DHRSX: variants seen among roughly 807,000 people sequenced by gnomAD.
DHRSX encodes the protein polyprenol dehydrogenase.
A neutral mutation model predicts 34.0 loss-of-function variants in DHRSX; 31 were observed. The observed-to-expected ratio is 0.91, with a 90% CI of 0.69 to 1.23. DHRSX has a LOEUF of 1.23. Ranked by LOEUF, DHRSX falls within the 50% of genes most tolerant of loss-of-function variation. The pLI is 0.00. For synonymous variants in DHRSX, 201 were observed against 183.8 expected, an observed-to-expected ratio of 1.09 and a Z score of -0.76; for missense variants, 414 against 428.1, an observed-to-expected ratio of 0.97 and a Z score of 0.29.
At position 2,372,639 on chromosome X, in the gene DHRSX, C is replaced by G. The variant is rs2043087378; in HGVS notation, c.286+36106G>C. The stretch of plus-strand genomic sequence containing the variant: ...TTTTTTTTTTTTGAGACGGAGTTTT[C>G]CTCTTGTTGCCCAGGCTGGAGTGCA... On this transcript the variant is annotated intron_variant, in intron 3 of 6. Coordinates refer to ENST00000334651, the MANE Select transcript of DHRSX (RefSeq NM_145177.3). Among the ~76,000 whole-genome samples, 3 of 147,870 alleles carry G rather than the reference C, an allele frequency of 2.0e-5. No homozygotes were observed. In the South Asian group the frequency reaches 6.5e-4, roughly 32 times the overall value.
intron 3 of DHRSX, among the ~76,000 whole-genome samples, chrX:2,307,409 A>G (rs1187484998): frequency 6.6e-6 from 1 of 152,064 alleles, no homozygotes; most frequent in African/African-American, 2.4e-5. Context: ...GAACCGCAGC[A>G]CTACACAATG....
chrX:2,282,819 A>G (rs866629897), intron 4 of DHRSX, among the ~76,000 whole-genome samples: 7 of 101,568 alleles, frequency 6.9e-5, no homozygotes, highest in East Asian at 3.2e-4. Context: ...AGAAAGAGAG[A>G]GAGGGAGAGA....
chrX:2,421,239 G>A (rs2043775743), intron 2 of DHRSX, among the ~76,000 whole-genome samples: 1 of 152,076 alleles, frequency 6.6e-6, no homozygotes, highest in Non-Finnish European at 1.5e-5. Context: ...AATTATCCAA[G>A]CCTGGTGGTG....
At chrX:2,451,100 T>C (rs1301869447) in intron 1 of DHRSX, among the ~76,000 whole-genome samples, 2 of 151,878 alleles carry the variant, frequency 1.3e-5, no homozygotes, top group African/African-American at 2.4e-5. Flanking sequence ...CAACTGAAGG[T>C]ATTTTATTTT....
intron 3 of DHRSX, among the ~76,000 whole-genome samples, chrX:2,356,707 G>A (rs1187223362): frequency 2.6e-5 from 4 of 152,160 alleles, no homozygotes; most frequent in African/African-American, 9.7e-5. Context: ...TCCTCCATGT[G>A]AAGATGATGA....
At chrX:2,402,579 G>A (rs1314724309) in intron 3 of DHRSX, among the ~76,000 whole-genome samples, 3 of 152,330 alleles carry the variant, frequency 2.0e-5, no homozygotes, top group East Asian at 3.9e-4. Flanking sequence ...GGCCACAGCC[G>A]AAATGTCCCC....
intron 3 of DHRSX, among the ~76,000 whole-genome samples, chrX:2,318,441 C>A (rs2042266873): frequency 6.6e-6 from 1 of 152,076 alleles, no homozygotes; most frequent in African/African-American, 2.4e-5. Flanking sequence ...GTCCTAAGGA[C>A]CTTGTTGATA....
At chrX:2,469,987 T>C (rs1190131126) in intron 1 of DHRSX, among the ~76,000 whole-genome samples, 1 of 151,942 alleles carries the variant, frequency 6.6e-6, no homozygotes, top group African/African-American at 2.4e-5. Flanking sequence ...TTCCAAGATA[T>C]ACAATCAACC....
At chrX:2,314,431 A>C in intron 3 of DHRSX, among the ~76,000 whole-genome samples, 1 of 93,696 alleles carries the variant, frequency 1.1e-5, no homozygotes, top group South Asian at 3.7e-4. Flanking sequence ...GGAAGGGGAG[A>C]AGGGAGGAAG....
In DHRSX at chrX:2,408,728, G is replaced by A. The variant is rs750616391; in HGVS notation, c.286+17C>T. On this transcript the variant is annotated intron_variant, in intron 3 of 6. Transcript: ENST00000334651. ...AAAAAAAAAACAAAAAAAAGCCATT[G>A]GAGTATCTCTCGGTACCTTTGTCGT... The A allele has an allele frequency of 1.3e-6, 2 of 1,593,662 alleles. No individual in the cohort carries two copies. The highest frequency in any genetic ancestry group is 1.2e-5 in the South Asian group (1 of 86,448).
At chrX:2,353,498 A>G (rs1401317272) in intron 3 of DHRSX, among the ~76,000 whole-genome samples, 2 of 152,166 alleles carry the variant, frequency 1.3e-5, no homozygotes, top group African/African-American at 4.8e-5. Flanking sequence ...AAGGGTCACT[A>G]AGAAGTCATT....
At chrX:2,293,789 G>C (rs1380708206) in intron 3 of DHRSX, among the ~76,000 whole-genome samples, 1 of 152,092 alleles carries the variant, frequency 6.6e-6, no homozygotes, top group African/African-American at 2.4e-5. Flanking sequence ...AGGCCACATA[G>C]CTTTCAGAGG....
chrX:2,234,010 G>A (rs1310562856), intron 6 of DHRSX, among the ~76,000 whole-genome samples: 4 of 152,198 alleles, frequency 2.6e-5, no homozygotes, highest in Non-Finnish European at 4.4e-5. Context: ...GGGAAGGAGA[G>A]GAGAAGGGAG....
At chrX:2,320,002 G>A (rs988313449) in intron 3 of DHRSX, among the ~76,000 whole-genome samples, 10 of 151,812 alleles carry the variant, frequency 6.6e-5, no homozygotes, top group African/African-American at 2.4e-4. Context: ...CTAATTTTTT[G>A]TATTTTTAGT....
At chrX:2,286,878 A>G (rs1217026665) in intron 4 of DHRSX, among the ~76,000 whole-genome samples, 1 of 152,220 alleles carries the variant, frequency 6.6e-6, no homozygotes, top group Non-Finnish European at 1.5e-5. Flanking sequence ...ATTTCAAGCC[A>G]TCATCTTGTA....
At chrX:2,455,511 G>A (rs749470589) in intron 1 of DHRSX, among the ~76,000 whole-genome samples, 53 of 152,110 alleles carry the variant, frequency 3.5e-4, no homozygotes, top group Non-Finnish European at 6.8e-4. Context: ...GGAGGGCAAG[G>A]CGGGTGGATC....
chrX:2,414,493 C>T (rs933827199), intron 2 of DHRSX, among the ~76,000 whole-genome samples: 20 of 151,040 alleles, frequency 1.3e-4, no homozygotes, highest in Middle Eastern at 3.5e-3. Flanking sequence ...GACCTCATCA[C>T]GACCTAATAC....
intron 1 of DHRSX, among the ~76,000 whole-genome samples, chrX:2,499,304 C>T (rs1445296337): frequency 6.6e-6 from 1 of 152,188 alleles, no homozygotes; most frequent in Admixed American, 6.5e-5. Flanking sequence ...TTAGGCTGGA[C>T]ATTTAAGACA....
intron 3 of DHRSX, among the ~76,000 whole-genome samples, chrX:2,382,435 T>A (rs1240944201): frequency 6.6e-6 from 1 of 151,952 alleles, no homozygotes; most frequent in Non-Finnish European, 1.5e-5. Flanking sequence ...ACAGCAATCA[T>A]TACCATTTTC....
Sources: allele counts gnomAD v4.1 joint callset (sites outside exome capture counted in the v4.1 genomes callset), GRCh38; gene constraint gnomAD v4.1.1; transcripts MANE v1.5; gene names NCBI Gene and HGNC (gene_info 2026-07-23, HGNC 2026-07-21).